Variants in GABRB2 observed in about 807,000 individuals in gnomAD.
GABRB2 encodes gamma-aminobutyric acid receptor subunit beta-2.
Under a neutral mutation model 54.7 loss-of-function variants are expected in GABRB2, and 16 were observed. The observed-to-expected ratio is 0.29, with a 90% CI of 0.20 to 0.44. GABRB2 has a LOEUF of 0.44. GABRB2 is among the 20% of genes least tolerant of loss of function. The pLI is 1.00. For missense variants in GABRB2, 355 were observed against 644.0 expected (o/e 0.55, Z 4.86); for synonymous variants, 244 against 233.8 (o/e 1.04, Z -0.40).
intron 5 of GABRB2, among the ~76,000 whole-genome samples, chr5:161,355,912 A>T (rs534135178): frequency 2.8e-4 from 42 of 152,258 alleles, no homozygotes; most frequent in African/African-American, 6.0e-4. Flanking sequence ...ATACCAGAAA[A>T]AATATCTTAC....
chr5:161,327,386 T>C (rs1758398987), intron 8 of GABRB2, among the ~76,000 whole-genome samples: 1 of 151,906 alleles, frequency 6.6e-6, no homozygotes, highest in Non-Finnish European at 1.5e-5. Context: ...ACTTTTATTT[T>C]TTATTTTATT....
intron 3 of GABRB2, among the ~76,000 whole-genome samples, chr5:161,532,148 T>C (rs1039274051): frequency 8.5e-5 from 13 of 152,156 alleles, no homozygotes; most frequent in Admixed American, 2.0e-4. Flanking sequence ...TGAATTATTT[T>C]TTACACTTTT....
rs545395367 is a variant in GABRB2 at position 161,496,209 on chromosome 5, C to T, written c.238-36365G>A. 7.2e-5 allele frequency among the ~76,000 whole-genome samples: 11 copies of T among 152,240 alleles called. No individual in the cohort carries two copies. The South Asian group carries it at 1.9e-3, about 26-fold the overall frequency. ...ACTTTGAACTAATTATGCAACCTCC[C>T]CAGCTCTTTTTTCCTACCCATAAGA... On this transcript the variant is annotated intron_variant, in intron 3 of 9. Transcript: ENST00000393959.
chr5:161,361,191 A>T lies in GABRB2; in HGVS notation c.542-24422T>A, dbSNP rs530310877. 5.3e-5 allele frequency among the ~76,000 whole-genome samples: 8 copies of T among 152,222 alleles called. No homozygotes were observed. In the South Asian group the frequency reaches 1.7e-3, roughly 32 times the overall value. On this transcript the variant is annotated intron_variant, in intron 5 of 9. Coordinates refer to ENST00000393959, the MANE Select transcript of GABRB2 (RefSeq NM_001371727.1). ...TTACAATTGTATGGGCTTCATTTCA[A>T]TCCTAATTTGAACAACCAAATTGTT...
chr5:161,365,729 C>T (rs1754952968), intron 5 of GABRB2, among the ~76,000 whole-genome samples: 1 of 152,104 alleles, frequency 6.6e-6, no homozygotes, highest in African/African-American at 2.4e-5. Context: ...CTTTCCTTTG[C>T]CTGTTTATCT....
chr5:161,396,801 T>G (rs1290800241), intron 5 of GABRB2, among the ~76,000 whole-genome samples: 1 of 152,166 alleles, frequency 6.6e-6, no homozygotes, highest in African/African-American at 2.4e-5. Flanking sequence ...TTATAAAAAA[T>G]AGCTTAACAC....
intron 5 of GABRB2, among the ~76,000 whole-genome samples, chr5:161,351,923 TA>T (rs1369390276): frequency 4.6e-5 from 7 of 151,982 alleles, no homozygotes; most frequent in African/African-American, 1.4e-4. Context: ...AAAGAAGACA[TA>T]TAAATGGCAA....
chr5:161,344,630 A>G (rs921876094), intron 5 of GABRB2, among the ~76,000 whole-genome samples: 12 of 152,086 alleles, frequency 7.9e-5, no homozygotes, highest in Non-Finnish European at 1.0e-4. Context: ...TGTGGGAGAC[A>G]GTGTGGCTAT....
intron 5 of GABRB2, among the ~76,000 whole-genome samples, chr5:161,391,694 A>T (rs1755827846): frequency 1.3e-5 from 2 of 152,214 alleles, no homozygotes; most frequent in Admixed American, 1.3e-4. Flanking sequence ...TGCAAAATGT[A>T]AGTAAACATG....
chr5:161,403,339 A>G (rs1476850037), intron 5 of GABRB2, among the ~76,000 whole-genome samples: 1 of 152,154 alleles, frequency 6.6e-6, no homozygotes, highest in Non-Finnish European at 1.5e-5. Flanking sequence ...AGGTCCTAGC[A>G]CACTCTCTTA....
rs1458585979 is a variant in GABRB2, at chr5:161,522,454, G to A, written c.237+22773C>T. ...AAAAACAATTGCAAACTACTCTGTC[G>A]GAAAAAAGCAAACTTTCTGATAAAC... On this transcript the variant is annotated intron_variant, in intron 3 of 9. Transcript: ENST00000393959. Among the ~76,000 whole-genome samples, 6 of 151,656 alleles carry A rather than the reference G, an allele frequency of 4.0e-5. No individual in the cohort carries two copies. In the South Asian group the frequency reaches 8.3e-4, roughly 21 times the overall value.
Position 161,290,627 on chromosome 5 carries a change from T to C in GABRB2, c.*3454A>G, listed in dbSNP as rs1467589014. The C allele has an allele frequency of 6.6e-6, 1 of 152,608 alleles. No homozygotes were observed. The highest frequency in any genetic ancestry group is 1.5e-5 in the Non-Finnish European group (1 of 68,018). The allele number at this position is 152,608 out of a possible 1,614,324, so 9.5% of individuals were successfully genotyped here. A position where few individuals can be genotyped will look rare whatever the true frequency, so the allele number is the denominator to read the frequency against. ...ACATATGAATGCATATATATGTATG[T>C]ATGTTTATATGAATCTATATATACA... On this transcript the variant is annotated 3_prime_UTR_variant, in exon 10 of 10. Transcript: ENST00000393959.
At chr5:161,457,198 G>T (rs1030802147) in intron 4 of GABRB2, among the ~76,000 whole-genome samples, 1 of 152,206 alleles carries the variant, frequency 6.6e-6, no homozygotes, top group East Asian at 1.9e-4. Flanking sequence ...CCCTCTCCGT[G>T]GGGAAGTGTT....
chr5:161,323,606 T>C (rs1307436094), intron 9 of GABRB2, among the ~76,000 whole-genome samples: 1 of 152,208 alleles, frequency 6.6e-6, no homozygotes, highest in Non-Finnish European at 1.5e-5. Context: ...AGTTTCTATT[T>C]TATTTTTCTA....
At chr5:161,519,960 C>A (rs1760067774) in intron 3 of GABRB2, among the ~76,000 whole-genome samples, 1 of 151,962 alleles carries the variant, frequency 6.6e-6, no homozygotes, top group East Asian at 1.9e-4. Flanking sequence ...ATCATATTTT[C>A]TTTTTATAGT....
intron 5 of GABRB2, among the ~76,000 whole-genome samples, chr5:161,408,465 G>A (rs923217169): frequency 3.9e-5 from 6 of 151,982 alleles, no homozygotes; most frequent in Non-Finnish European, 8.8e-5. Context: ...TAAAAGATTA[G>A]TGTTCAATAA....
chr5:161,461,254 C>T (rs1416578093), intron 3 of GABRB2, among the ~76,000 whole-genome samples: 1 of 152,182 alleles, frequency 6.6e-6, no homozygotes, highest in Admixed American at 6.6e-5. Flanking sequence ...AGCTTCTCAG[C>T]TATCTAAACA....
chr5:161,349,252 T>TA (rs1051273809), intron 5 of GABRB2, among the ~76,000 whole-genome samples: 225 of 150,742 alleles, frequency 1.5e-3, no homozygotes, highest in African/African-American at 4.9e-3. Context: ...TAAATAAACT[T>TA]AAAAAAAAAC....
chr5:161,294,804 C>A (rs1757337584), intron 9 of GABRB2, among the ~76,000 whole-genome samples: 1 of 152,128 alleles, frequency 6.6e-6, no homozygotes, highest in South Asian at 2.1e-4. Flanking sequence ...GCTAGGCATG[C>A]AACAGTGTTA....
Sources: allele counts gnomAD v4.1 joint callset (sites outside exome capture counted in the v4.1 genomes callset), GRCh38; gene constraint gnomAD v4.1.1; transcripts MANE v1.5; gene names NCBI Gene and HGNC (gene_info 2026-07-23, HGNC 2026-07-21).